The following DLG2 variants were observed in gnomAD, a reference collection of about 807,000 sequenced individuals.
DLG2 encodes the protein disks large homolog 2.
Under a neutral mutation model 132.5 loss-of-function variants are expected in DLG2, and 45 were observed. The ratio of observed to expected loss-of-function variants is 0.34; its 90% CI spans 0.27 to 0.44. The LOEUF is 0.44. DLG2 is among the 20% of genes least tolerant of loss of function. DLG2 has a pLI of 1.00. For missense variants in DLG2, 1,045 were observed against 1,196.9 expected (o/e 0.87, Z 1.87); for synonymous variants, 424 against 419.6 (o/e 1.01, Z -0.13).
At position 83,709,254 on chromosome 11, in the gene DLG2, T is replaced by C. The variant is rs566488964; in HGVS notation, c.1826-75929A>G. ...CACTGTGTGTGTGTGTGTGTGTATATGTGTGTATATATGTATGTATATATA... is the reference window on the plus strand; with the variant it reads ...CACTGTGTGTGTGTGTGTGTGTATACGTGTGTATATATGTATGTATATATA... On this transcript the variant is annotated intron_variant, in intron 18 of 27. Transcript: ENST00000376104. Among the ~76,000 whole-genome samples, 3 of 148,318 alleles carry C rather than the reference T, an allele frequency of 2.0e-5. No homozygotes were observed. The South Asian group carries it at 6.5e-4, about 32-fold the overall frequency.
chr11:84,126,195 G>A (rs1389758898), intron 9 of DLG2, among the ~76,000 whole-genome samples: 1 of 152,170 alleles, frequency 6.6e-6, no homozygotes, highest in African/African-American at 2.4e-5. Context: ...GGCAGCAAGA[G>A]AAATGCAGCC....
intron 4 of DLG2, among the ~76,000 whole-genome samples, chr11:85,193,443 G>C (rs963910997): frequency 2.6e-5 from 4 of 152,138 alleles, no homozygotes; most frequent in African/African-American, 4.8e-5. Context: ...AAGTGGAATT[G>C]CTGACAACTG....
chr11:84,428,306 G>A (rs1320893272), intron 7 of DLG2, among the ~76,000 whole-genome samples: 2 of 152,190 alleles, frequency 1.3e-5, no homozygotes, highest in African/African-American at 4.8e-5. Context: ...TCTACCCGGT[G>A]TTGATAGGCT....
chr11:84,587,926 G>T (rs1377144932), intron 6 of DLG2, among the ~76,000 whole-genome samples: 1 of 152,138 alleles, frequency 6.6e-6, no homozygotes, highest in African/African-American at 2.4e-5. Flanking sequence ...CTGAACCATG[G>T]TGATCATAAC....
chr11:85,080,555 C>T (rs2067102535), intron 6 of DLG2, among the ~76,000 whole-genome samples: 1 of 152,046 alleles, frequency 6.6e-6, no homozygotes, highest in African/African-American at 2.4e-5. Flanking sequence ...TTTATTTTAG[C>T]TGTCATCTTC....
At chr11:84,728,610 G>A (rs1349195562) in intron 6 of DLG2, among the ~76,000 whole-genome samples, 1 of 152,170 alleles carries the variant, frequency 6.6e-6, no homozygotes, top group South Asian at 2.1e-4. Context: ...CTCATGAAAT[G>A]AGTTAGGGAG....
chr11:85,292,591 T>C (rs1255132744), intron 3 of DLG2, among the ~76,000 whole-genome samples: 1 of 143,046 alleles, frequency 7.0e-6, no homozygotes, highest in African/African-American at 2.6e-5. Context: ...TCTGATATGA[T>C]TGGGCTTCTT....
intron 5 of DLG2, among the ~76,000 whole-genome samples, chr11:85,146,461 T>G (rs753555890): frequency 6.4e-4 from 98 of 152,242 alleles, no homozygotes; most frequent in Non-Finnish European, 9.9e-4. Context: ...TATTTAGCCA[T>G]GAAGGGGTCC....
At chr11:83,901,282 G>C (rs551013603) in intron 15 of DLG2, among the ~76,000 whole-genome samples, 73 of 152,274 alleles carry the variant, frequency 4.8e-4, no homozygotes, top group Middle Eastern at 6.8e-3. Context: ...TTTGGGGGTT[G>C]TTGGGAAGGC....
chr11:83,486,370 A>C, intron 21 of DLG2: 1 of 569,464 alleles, frequency 1.8e-6, no homozygotes, highest in East Asian at 3.0e-5. Context: ...AAAATTACAC[A>C]TTTTCATGCA....
intron 4 of DLG2, among the ~76,000 whole-genome samples, chr11:85,177,827 T>C (rs56124933): frequency 0.038 from 5,771 of 152,162 alleles, 148 homozygotes; most frequent in African/African-American, 0.066. Flanking sequence ...AAATACCTTC[T>C]CAAATCATGT....
At chr11:84,474,014 A>G (rs2099115225) in intron 7 of DLG2, among the ~76,000 whole-genome samples, 1 of 151,970 alleles carries the variant, frequency 6.6e-6, no homozygotes, top group African/African-American at 2.4e-5. Flanking sequence ...TATTTATGTC[A>G]TCCTGCCACA....
intron 11 of DLG2, among the ~76,000 whole-genome samples, chr11:84,038,122 C>T (rs898749683): frequency 3.3e-5 from 5 of 151,918 alleles, no homozygotes; most frequent in Non-Finnish European, 4.4e-5. Context: ...CCCTCCTTCC[C>T]GGCTCCACCT....
rs149969830 is a variant in DLG2, at chr11:83,658,585, C to T, written c.1826-25260G>A. Among the ~76,000 whole-genome samples, 7 of 152,288 alleles carry T rather than the reference C, an allele frequency of 4.6e-5. No homozygotes were observed. The East Asian group carries it at 1.3e-3, about 29-fold the overall frequency. On this transcript the variant is annotated intron_variant, in intron 18 of 27. Coordinates refer to ENST00000376104, the MANE Select transcript of DLG2 (RefSeq NM_001142699.3). ...TTGCAATGAATTTTCATGCTTGAAA[C>T]AATAAGTGCTTTTAGCTTAGTAAAA...
chr11:84,920,075 A>G (rs2092686019), intron 6 of DLG2, among the ~76,000 whole-genome samples: 1 of 152,214 alleles, frequency 6.6e-6, no homozygotes, highest in Non-Finnish European at 1.5e-5. Context: ...GTTTTCATTC[A>G]TTTCATTTCC....
chr11:84,712,129 C>T (rs901461223), intron 6 of DLG2, among the ~76,000 whole-genome samples: 2 of 152,140 alleles, frequency 1.3e-5, no homozygotes, highest in East Asian at 3.9e-4. Context: ...TTATTTAAAA[C>T]TTTCCCTGGA....
chr11:84,934,509 T>G (rs796344639), intron 6 of DLG2, among the ~76,000 whole-genome samples: 7 of 79,520 alleles, frequency 8.8e-5, no homozygotes, highest in East Asian at 1.0e-3. Flanking sequence ...TGGGTGTTTT[T>G]TTTTTGTTTT....
intron 7 of DLG2, among the ~76,000 whole-genome samples, chr11:84,383,880 G>A (rs2098757952): frequency 6.6e-6 from 1 of 151,926 alleles, no homozygotes; most frequent in Non-Finnish European, 1.5e-5. Flanking sequence ...TGTTTCAAGG[G>A]ACTGTTCGTG....
chr11:84,203,993 T>A (rs943300092), intron 8 of DLG2, among the ~76,000 whole-genome samples: 3 of 152,180 alleles, frequency 2.0e-5, no homozygotes, highest in African/African-American at 7.2e-5. Context: ...GTTTTGCTCT[T>A]GTTGCCCAGC....
Sources: allele counts gnomAD v4.1 joint callset (sites outside exome capture counted in the v4.1 genomes callset), GRCh38; gene constraint gnomAD v4.1.1; transcripts MANE v1.5; gene names NCBI Gene and HGNC (gene_info 2026-07-23, HGNC 2026-07-21).